The following IGSF23 variants were observed in gnomAD, a reference collection of about 807,000 sequenced individuals.
IGSF23 encodes the protein immunoglobulin superfamily, member 23.
In IGSF23, 14 loss-of-function variants were observed where a neutral mutation model predicts 17.8. The observed-to-expected ratio is 0.79, with a 90% confidence interval of 0.52 to 1.23. The LOEUF is 1.23. Among genes scored for constraint, IGSF23 ranks in the 50% most tolerant of loss-of-function variants. The probability of loss-of-function intolerance (pLI) is 0.00; values close to 1 mark genes in which losing one functional copy is unlikely to be tolerated. For synonymous variants in IGSF23, 85 were observed against 92.5 expected (o/e 0.92, Z 0.46); for missense variants, 214 against 241.7 (o/e 0.89, Z 0.76).
chr19:44,627,332 C>G, intron 2 of IGSF23, 88 bp from the exon 3 acceptor site: 2 of 1,311,354 alleles, frequency 1.5e-6, no homozygotes, highest in Non-Finnish European at 2.1e-6. Context: ...ATTGAAGAGA[C>G]ACTTGGGAGG....
chr19:44,621,595 C>A (rs891813760), intron 1 of IGSF23, among the ~76,000 whole-genome samples: 1 of 151,886 alleles, frequency 6.6e-6, no homozygotes, highest in Non-Finnish European at 1.5e-5. Flanking sequence ...CCACTACACT[C>A]CAGCCTGAGT....
At chr19:44,615,962 A>G (rs1431777535) in intron 1 of IGSF23, among the ~76,000 whole-genome samples, 1 of 152,242 alleles carries the variant, frequency 6.6e-6, no homozygotes, top group Admixed American at 6.5e-5. Context: ...TAAAACAGCA[A>G]CCAGTTTTTA....
At chr19:44,634,912 G>A (rs1338525606) in intron 3 of IGSF23, among the ~76,000 whole-genome samples, 1 of 152,004 alleles carries the variant, frequency 6.6e-6, no homozygotes, top group Non-Finnish European at 1.5e-5. Flanking sequence ...TGTGAACAGT[G>A]CCTGGAATGT....
intron 1 of IGSF23, among the ~76,000 whole-genome samples, chr19:44,617,792 C>G (rs1277245143): frequency 6.6e-6 from 1 of 152,108 alleles, no homozygotes; most frequent in Non-Finnish European, 1.5e-5. Context: ...GAGCTGTGGG[C>G]TGGAACAGAA....
At chr19:44,634,012 A>G (rs1317802857) in intron 3 of IGSF23, among the ~76,000 whole-genome samples, 1 of 152,206 alleles carries the variant, frequency 6.6e-6, no homozygotes, top group Non-Finnish European at 1.5e-5. Context: ...GACCTTCCTA[A>G]AAGTAATCCT....
chr19:44,616,424 G>A (rs529050685), intron 1 of IGSF23, among the ~76,000 whole-genome samples: 3 of 152,106 alleles, frequency 2.0e-5, no homozygotes, highest in African/African-American at 4.8e-5. Context: ...ACAGCCAGGC[G>A]TGGTGGCTCA....
chr19:44,620,687 G>A (rs979756503), intron 1 of IGSF23: 1 of 152,094 alleles, frequency 6.6e-6, no homozygotes, highest in African/African-American at 2.4e-5. Flanking sequence ...TTCTTCTAAA[G>A]GCCTGGCTCC....
At chr19:44,618,007 T>C (rs1972424386) in intron 1 of IGSF23, 1 of 460,730 alleles carries the variant, frequency 2.2e-6, no homozygotes, top group Non-Finnish European at 4.5e-6. Flanking sequence ...TCCAGTATAA[T>C]ATACGTGCGT....
chr19:44,626,389 TTA>T (rs760198352), intron 2 of IGSF23, among the ~76,000 whole-genome samples: 2 of 152,164 alleles, frequency 1.3e-5, no homozygotes, highest in Non-Finnish European at 1.5e-5. Context: ...CAGGAAATGT[TTA>T]TGAGCACTTG....
chr19:44,631,092 C>T (rs979626291), intron 3 of IGSF23, among the ~76,000 whole-genome samples: 1 of 129,844 alleles, frequency 7.7e-6, no homozygotes, highest in African/African-American at 2.8e-5. Flanking sequence ...CATGTCTCTA[C>T]AAAAAAAAAA....
At chr19:44,616,108 C>T (rs1599727487) in intron 1 of IGSF23, among the ~76,000 whole-genome samples, 2 of 151,676 alleles carry the variant, frequency 1.3e-5, no homozygotes, top group South Asian at 2.1e-4. Flanking sequence ...GCAGGTACCT[C>T]GAGAGTGTGA....
chr19:44,632,490 T>G (rs1332763096), intron 3 of IGSF23: 1 of 155,052 alleles, frequency 6.4e-6, no homozygotes, highest in Non-Finnish European at 1.4e-5. Context: ...GGGGTCCTCC[T>G]CAGCATCAGC....
intron 1 of IGSF23, among the ~76,000 whole-genome samples, chr19:44,622,822 T>C (rs1245653722): frequency 6.6e-6 from 1 of 152,130 alleles, no homozygotes; most frequent in African/African-American, 2.4e-5. Flanking sequence ...GGCCTTTTAC[T>C]TGGTGTTCCC....
chr19:44,628,757 A>G (rs1157347124), intron 3 of IGSF23, among the ~76,000 whole-genome samples: 2 of 152,190 alleles, frequency 1.3e-5, no homozygotes, highest in Non-Finnish European at 2.9e-5. Flanking sequence ...GAGTCAAAAA[A>G]GTAATAATAA....
intron 3 of IGSF23, among the ~76,000 whole-genome samples, chr19:44,629,371 G>C (rs1178912735): frequency 2.0e-5 from 3 of 151,934 alleles, no homozygotes; most frequent in African/African-American, 7.3e-5. Context: ...GGGCAACATA[G>C]TGAGACCCCG....
chr19:44,630,533 A>G (rs1972742563), intron 3 of IGSF23, among the ~76,000 whole-genome samples: 2 of 152,238 alleles, frequency 1.3e-5, no homozygotes, highest in African/African-American at 4.8e-5. Flanking sequence ...ATCCTCACCC[A>G]GGCACCTCAA....
chr19:44,636,393 T>C (rs1972889462), intron 4 of IGSF23, 26 bp from the exon 5 acceptor site: 1 of 152,110 alleles, frequency 6.6e-6, no homozygotes. Context: ...CATGTGGAAT[T>C]TACAGTTCTC....
At position 44,613,572 on chromosome 19, in the gene IGSF23, C is replaced by T; in HGVS notation, c.-74C>T. On this transcript the variant is annotated 5_prime_UTR_variant, in exon 1 of 5. Coordinates refer to ENST00000402988, the MANE Select transcript of IGSF23 (RefSeq NM_001205280.2). Reference sequence around the variant, plus strand: ...AGGTTGACCTTTGGCCATTCCTTGCCTTTGATGTGAGTGATAGGAGCGGGC... The same window carrying T: ...AGGTTGACCTTTGGCCATTCCTTGCTTTTGATGTGAGTGATAGGAGCGGGC... 1 of 1,472,770 alleles carries T rather than the reference C, an allele frequency of 6.8e-7. No individual in the cohort carries two copies. Among genetic ancestry groups the T allele is most frequent in the Non-Finnish European group, 9.1e-7 (1 of 1,102,366 alleles). The allele number at this position is 1,472,770 out of a possible 1,614,324, so 91.2% of individuals were successfully genotyped here. A position where few individuals can be genotyped will look rare whatever the true frequency, so the allele number is the denominator to read the frequency against.
intron 2 of IGSF23, 83 bp downstream of exon 2, chr19:44,624,055 T>C: frequency 8.0e-7 from 1 of 1,246,116 alleles, no homozygotes; most frequent in South Asian, 1.4e-5. Flanking sequence ...ATGATTCCAT[T>C]AAGCCACCTA....
Sources: allele counts gnomAD v4.1 joint callset (sites outside exome capture counted in the v4.1 genomes callset), GRCh38; gene constraint gnomAD v4.1.1; transcripts MANE v1.5; gene names NCBI Gene and HGNC (gene_info 2026-07-23, HGNC 2026-07-21).